The following KCNK13 variants were observed in gnomAD, a reference collection of about 807,000 sequenced individuals.
KCNK13 encodes potassium channel subfamily K member 13.
In KCNK13, 12 loss-of-function variants were observed where a neutral mutation model predicts 23.4. The ratio of observed to expected loss-of-function variants is 0.51; its 90% confidence interval spans 0.33 to 0.83. KCNK13 has a LOEUF of 0.83. KCNK13 is among the 40% of genes least tolerant of loss of function. KCNK13 has a pLI of 0.02. For synonymous variants in KCNK13, 231 were observed against 229.5 expected, an observed-to-expected ratio of 1.01 and a Z score of -0.06; for missense variants, 463 against 556.3, an observed-to-expected ratio of 0.83 and a Z score of 1.69.
chr14:90,102,412 G>A (rs1047416443), intron 1 of KCNK13, among the ~76,000 whole-genome samples: 1 of 152,160 alleles, frequency 6.6e-6, no homozygotes, highest in African/African-American at 2.4e-5. Context: ...GAAGAATCAA[G>A]TAAGAATCTT....
intron 1 of KCNK13, chr14:90,177,270 A>C (rs1890432895): frequency 6.6e-6 from 1 of 152,166 alleles, no homozygotes; most frequent in Non-Finnish European, 1.5e-5. Context: ...TCACAGTTAC[A>C]GATAGCACTC....
intron 1 of KCNK13, among the ~76,000 whole-genome samples, chr14:90,063,997 C>A (rs576775819): frequency 6.6e-5 from 10 of 152,326 alleles, no homozygotes; most frequent in African/African-American, 2.4e-4. Context: ...GGAAACCTTG[C>A]AGCAGACCAG....
chr14:90,090,584 G>C (rs1889333266), intron 1 of KCNK13, among the ~76,000 whole-genome samples: 1 of 152,174 alleles, frequency 6.6e-6, no homozygotes, highest in East Asian at 1.9e-4. Flanking sequence ...GGCATGATTG[G>C]TTTTGAAATG....
intron 1 of KCNK13, among the ~76,000 whole-genome samples, chr14:90,120,711 G>T (rs80304590): frequency 6.6e-6 from 1 of 151,742 alleles, no homozygotes; most frequent in African/African-American, 2.4e-5. Flanking sequence ...TGAGATTTGG[G>T]TGGGGACACA....
chr14:90,076,701 C>A (rs1384900873), intron 1 of KCNK13, among the ~76,000 whole-genome samples: 1 of 152,128 alleles, frequency 6.6e-6, no homozygotes, highest in Non-Finnish European at 1.5e-5. Context: ...TAACAGTGTA[C>A]CTCCTGGAAA....
chr14:90,162,098 T>C (rs1890258155), intron 1 of KCNK13, among the ~76,000 whole-genome samples: 1 of 152,178 alleles, frequency 6.6e-6, no homozygotes, highest in African/African-American at 2.4e-5. Context: ...GAGAATCACT[T>C]GAGCCTGGGA....
intron 1 of KCNK13, among the ~76,000 whole-genome samples, chr14:90,182,222 G>A (rs1596814228): frequency 6.6e-6 from 1 of 152,180 alleles, no homozygotes; most frequent in South Asian, 2.1e-4. Flanking sequence ...CTCCTTGTGT[G>A]CTGAGAAAGG....
chr14:90,090,249 A>G (rs1889326413), intron 1 of KCNK13, among the ~76,000 whole-genome samples: 1 of 152,242 alleles, frequency 6.6e-6, no homozygotes, highest in Non-Finnish European at 1.5e-5. Context: ...GCCCAAGACC[A>G]TGGGAACCCA....
intron 1 of KCNK13, among the ~76,000 whole-genome samples, chr14:90,068,624 A>G (rs1340380095): frequency 6.6e-6 from 1 of 152,064 alleles, no homozygotes; most frequent in Non-Finnish European, 1.5e-5. Flanking sequence ...AAGAAAAGAA[A>G]TGCAGACTCT....
rs1392499598 is a variant in KCNK13 at position 90,185,052 on chromosome 14, T to C, written c.*49T>C. ...GAGGCCAGAGTAGAATGGAGGATGA[T>C]TGCCGCCCAGGGGACGAGCTCAGCC... is the stretch of plus-strand genomic sequence containing the variant. On this transcript the variant is annotated 3_prime_UTR_variant, in exon 2 of 2. Transcript: ENST00000282146. 2.0e-6 allele frequency: 3 copies of C among 1,467,124 alleles called. No homozygotes were observed. The highest frequency in any genetic ancestry group is 2.3e-5 in the Admixed American group (1 of 43,192). 90.9% of individuals were successfully genotyped at this position (1,467,124 alleles called of 1,614,324 possible).
At chr14:90,109,900 G>T (rs964505655) in intron 1 of KCNK13, among the ~76,000 whole-genome samples, 8 of 151,440 alleles carry the variant, frequency 5.3e-5, no homozygotes, top group South Asian at 4.2e-4. Flanking sequence ...GTAGAGACAG[G>T]ATTTCGCCAT....
chr14:90,146,281 G>A (rs1273504701), intron 1 of KCNK13, among the ~76,000 whole-genome samples: 1 of 151,660 alleles, frequency 6.6e-6, no homozygotes, highest in East Asian at 1.9e-4. Flanking sequence ...TTTTTCTTTT[G>A]TGACTACCAC....
At chr14:90,173,182 A>G (rs933944078) in intron 1 of KCNK13, among the ~76,000 whole-genome samples, 1 of 152,208 alleles carries the variant, frequency 6.6e-6, no homozygotes, top group Non-Finnish European at 1.5e-5. Flanking sequence ...AATAGTTACA[A>G]TGAATATCAG....
chr14:90,069,787 C>T (rs1196761907), intron 1 of KCNK13, among the ~76,000 whole-genome samples: 1 of 152,126 alleles, frequency 6.6e-6, no homozygotes, highest in Non-Finnish European at 1.5e-5. Flanking sequence ...CATTTGTGCA[C>T]AAACCTTATG....
At chr14:90,158,220 A>C (rs1890216646) in intron 1 of KCNK13, among the ~76,000 whole-genome samples, 1 of 152,208 alleles carries the variant, frequency 6.6e-6, no homozygotes, top group Non-Finnish European at 1.5e-5. Flanking sequence ...AAGCTGGTGA[A>C]GATACCAGGG....
At chr14:90,135,778 T>G (rs1889929066) in intron 1 of KCNK13, among the ~76,000 whole-genome samples, 1 of 152,168 alleles carries the variant, frequency 6.6e-6, no homozygotes, top group Admixed American at 6.5e-5. Context: ...TCATTTCTGG[T>G]TGAGTGTAGG....
intron 1 of KCNK13, among the ~76,000 whole-genome samples, chr14:90,103,593 G>A (rs1004792060): frequency 6.6e-6 from 1 of 152,114 alleles, no homozygotes; most frequent in African/African-American, 2.4e-5. Flanking sequence ...GGGGGACGGA[G>A]TTTCGCTCTT....
chr14:90,064,343 TGG>T (rs1207233861), intron 1 of KCNK13, among the ~76,000 whole-genome samples: 2 of 51,706 alleles, frequency 3.9e-5, no homozygotes, highest in Non-Finnish European at 1.3e-4. Context: ...GTGCTCCCAG[TGG>T]GCACAGAGGC....
chr14:90,082,678 T>C (rs186458360), intron 1 of KCNK13, among the ~76,000 whole-genome samples: 2 of 152,358 alleles, frequency 1.3e-5, no homozygotes, highest in African/African-American at 4.8e-5. Context: ...AATCAGTTGA[T>C]GGACATTTAC....
Sources: gnomAD v4.1 joint callset for allele counts (sites outside exome capture counted in the v4.1 genomes callset) on GRCh38, gnomAD v4.1.1 for gene constraint, MANE v1.5 for transcripts, NCBI Gene and HGNC (gene_info 2026-07-23, HGNC 2026-07-21) for gene names.